Variants in SCRG1 observed in about 807,000 individuals in gnomAD.
SCRG1 encodes the protein stimulator of chondrogenesis 1, also known as scrapie-responsive protein 1.
SCRG1 carries 3 observed loss-of-function variants against 7.7 expected under a neutral mutation model. The observed-to-expected ratio is 0.39, with a 90% confidence interval of 0.18 to 1.01. SCRG1 has a LOEUF of 1.01. Ranked by LOEUF, SCRG1 falls within the 50% of genes least tolerant of loss-of-function variation. The probability of loss-of-function intolerance (pLI) is 0.36; values close to 1 mark genes in which losing one functional copy is unlikely to be tolerated. For missense variants in SCRG1, 110 were observed against 117.2 expected (o/e 0.94, Z 0.28); for synonymous variants, 46 against 41.2 (o/e 1.12, Z -0.44).
At chr4:173,401,648 G>A (rs548411962), upstream of SCRG1, among the ~76,000 whole-genome samples, 16 of 152,284 alleles carry the variant, frequency 1.1e-4, no homozygotes, top group African/African-American at 3.6e-4. Flanking sequence ...TTGGCATTGT[G>A]CTTATGAATG....
Position 173,391,301 on chromosome 4 carries a change from A to G in SCRG1, c.114T>C (p.Cys38=). 1 of 1,614,174 alleles carries G rather than the reference A, an allele frequency of 6.2e-7. No individual in the cohort carries two copies. ...CAGCTACTCCTTCCGGAAGGTTGTG[A>G]CAGTTGTGATCTTTTAGTATCTTTC... ...CYRKILKDHN[C]HNLPEGVADL... The change falls in exon 2 of 3, where the codon TGT becomes TGC. Residue 38 remains cysteine (C), a synonymous_variant. Transcript: ENST00000296506.
the SCRG1 span, among the ~76,000 whole-genome samples, chr4:173,416,911 AACACAC>A: frequency 0.094 from 11,719 of 125,082 alleles, 821 homozygotes; most frequent in South Asian, 0.19. Flanking sequence ...CACACACCCA[AACACAC>A]ACACACACAC....
rs542117555 is a variant in SCRG1 at position 173,387,304 on chromosome 4, G to T, written c.*1037C>A. 6.6e-6 allele frequency: 1 copy of T among 152,186 alleles called. No homozygotes were observed. The highest frequency in any genetic ancestry group is 1.5e-5 in the Non-Finnish European group (1 of 67,998). The allele number at this position is 152,186 out of a possible 1,614,324, so 9.4% of individuals were successfully genotyped here. On this transcript the variant is annotated 3_prime_UTR_variant, in exon 3 of 3. Transcript: ENST00000296506. ...ATTTACCTTGAAGGCTTTTGTTGTT[G>T]TTTTTTAAGAGAGTAAAATGAAATG...
At chr4:173,506,641 C>G in the SCRG1 span, among the ~76,000 whole-genome samples, 1 of 152,178 alleles carries the variant, frequency 6.6e-6, no homozygotes, top group Non-Finnish European at 1.5e-5. The surrounding 1 kb of genome is among the most constrained non-coding windows in gnomAD (Gnocchi z 5.3). Context: ...TTTATTACTT[C>G]TCTTTTCCTG....
At chr4:173,483,719 T>TCATATATAATATATGATATATGATA in the SCRG1 span, among the ~76,000 whole-genome samples, 1 of 2,990 alleles carries the variant, frequency 3.3e-4, no homozygotes, top group Non-Finnish European at 7.4e-4. Context: ...ATATATTATA[T>TCATATATAATATATGATATATGATA]TGTGATATAT....
the SCRG1 span, among the ~76,000 whole-genome samples, chr4:173,511,121 C>T: frequency 1.3e-5 from 2 of 152,140 alleles, no homozygotes; most frequent in African/African-American, 4.8e-5. The surrounding 1 kb of genome is among the most constrained non-coding windows in gnomAD (Gnocchi z 5.2). Context: ...CGCCCGCCAC[C>T]ACGCCCGGCT....
chr4:173,424,283 G>A, the SCRG1 span, among the ~76,000 whole-genome samples: 1 of 151,978 alleles, frequency 6.6e-6, no homozygotes, highest in Non-Finnish European at 1.5e-5. Flanking sequence ...TTAGCTATTT[G>A]GTTTACTCTA....
chr4:173,482,999 A>G, the SCRG1 span, among the ~76,000 whole-genome samples: 1 of 131,036 alleles, frequency 7.6e-6, no homozygotes, highest in South Asian at 2.2e-4. Flanking sequence ...TATATTTCAT[A>G]TGTATAATAT....
intron 1 of SCRG1, among the ~76,000 whole-genome samples, chr4:173,396,212 G>T (rs1199462714): frequency 6.6e-6 from 1 of 152,220 alleles, no homozygotes; most frequent in Non-Finnish European, 1.5e-5. Flanking sequence ...TGAGTTTTTA[G>T]ACAAGTTAGG....
At chr4:173,484,769 T>A in the SCRG1 span, among the ~76,000 whole-genome samples, 2 of 87,968 alleles carry the variant, frequency 2.3e-5, no homozygotes, top group Admixed American at 2.1e-4. Flanking sequence ...TAATACATAT[T>A]ATATATTATA....
At chr4:173,471,092 G>A in the SCRG1 span, among the ~76,000 whole-genome samples, 6 of 152,064 alleles carry the variant, frequency 3.9e-5, no homozygotes, top group Non-Finnish European at 7.4e-5. Context: ...ATTACTCCTG[G>A]ATACTAAGAT....
At chr4:173,393,124 T>C (rs1004197477) in intron 1 of SCRG1, among the ~76,000 whole-genome samples, 12 of 151,952 alleles carry the variant, frequency 7.9e-5, no homozygotes, top group African/African-American at 2.4e-4. Flanking sequence ...TATTGTGCAA[T>C]GGACATTTTT....
the SCRG1 span, among the ~76,000 whole-genome samples, chr4:173,483,274 T>C: frequency 6.5e-5 from 2 of 30,940 alleles, no homozygotes; most frequent in Admixed American, 5.0e-4. Flanking sequence ...ATATATGATA[T>C]ATAATATATG....
At chr4:173,444,672 A>C in the SCRG1 span, among the ~76,000 whole-genome samples, 3 of 152,220 alleles carry the variant, frequency 2.0e-5, no homozygotes, top group Non-Finnish European at 4.4e-5. Flanking sequence ...TGGTCAAGGA[A>C]ACATGAAGGA....
At chr4:173,464,681 G>A in the SCRG1 span, among the ~76,000 whole-genome samples, 1 of 152,138 alleles carries the variant, frequency 6.6e-6, no homozygotes, top group Admixed American at 6.5e-5. Flanking sequence ...AGACAGTTTG[G>A]CAGTTTCTCA....
chr4:173,494,973 C>T, the SCRG1 span, among the ~76,000 whole-genome samples: 4 of 152,114 alleles, frequency 2.6e-5, no homozygotes, highest in Non-Finnish European at 5.9e-5. Flanking sequence ...AGGAGAAAGG[C>T]CATCCTAGGA....
At chr4:173,483,249 C>CATATATCATATATA in the SCRG1 span, among the ~76,000 whole-genome samples, 3 of 52,246 alleles carry the variant, frequency 5.7e-5, no homozygotes, top group Non-Finnish European at 6.0e-5. Context: ...TATGATATAT[C>CATATATCATATATA]ATATATGATA....
the SCRG1 span, among the ~76,000 whole-genome samples, chr4:173,514,650 T>A: frequency 6.6e-6 from 1 of 152,210 alleles, no homozygotes; most frequent in South Asian, 2.1e-4. Context: ...TACCCATAGG[T>A]CATTAAATGG....
chr4:173,451,625 A>AT, the SCRG1 span, among the ~76,000 whole-genome samples: 2 of 45,588 alleles, frequency 4.4e-5, no homozygotes, highest in Non-Finnish European at 1.3e-4. Context: ...ATTTTATTTT[A>AT]CTTACTTATT....
Sources: gnomAD v4.1 joint callset for allele counts (sites outside exome capture counted in the v4.1 genomes callset) on GRCh38, gnomAD v4.1.1 for gene constraint, Gnocchi (gnomAD v3.1) non-coding constraint, MANE v1.5 for transcripts, NCBI Gene and HGNC (gene_info 2026-07-23, HGNC 2026-07-21) for gene names.